ATP8A1: variants seen among roughly 807,000 people sequenced by gnomAD.
The protein encoded by ATP8A1 is phospholipid-transporting ATPase IA.
ATP8A1 carries 90 observed loss-of-function variants against 177.7 expected under a neutral mutation model. The observed-to-expected ratio is 0.51, with a 90% CI of 0.43 to 0.60. The LOEUF is 0.60. Among genes scored for constraint, ATP8A1 ranks in the 20% least tolerant of loss-of-function variants. The pLI is 0.00. For synonymous variants in ATP8A1, 493 were observed against 485.9 expected (o/e 1.01, Z -0.19); for missense variants, 1,072 against 1,392.8 (o/e 0.77, Z 3.67).
chr4:42,510,737 C>T (rs1290237095), intron 22 of ATP8A1, among the ~76,000 whole-genome samples: 1 of 151,978 alleles, frequency 6.6e-6, no homozygotes, highest in African/African-American at 2.4e-5. Flanking sequence ...TCAGAAAGTC[C>T]ACCAATATAA....
At chr4:42,439,524 T>G (rs954838583) in intron 33 of ATP8A1, among the ~76,000 whole-genome samples, 1 of 152,224 alleles carries the variant, frequency 6.6e-6, no homozygotes, top group Non-Finnish European at 1.5e-5. Flanking sequence ...TAACACTCAT[T>G]TATGGGGCAC....
intron 5 of ATP8A1, among the ~76,000 whole-genome samples, chr4:42,608,228 G>C (rs1033098157): frequency 1.3e-5 from 2 of 152,046 alleles, no homozygotes; most frequent in Non-Finnish European, 2.9e-5. Flanking sequence ...ACAGGTGCAG[G>C]TGCTGACTTA....
intron 20 of ATP8A1, among the ~76,000 whole-genome samples, chr4:42,532,125 C>T (rs1370435495): frequency 1.3e-5 from 2 of 151,876 alleles, no homozygotes. Flanking sequence ...CACACACAGA[C>T]ACAGACACAC....
chr4:42,520,019 G>T (rs1448104575), intron 22 of ATP8A1, among the ~76,000 whole-genome samples: 7 of 152,132 alleles, frequency 4.6e-5, no homozygotes, highest in Admixed American at 4.6e-4. Context: ...GCCATCTGCT[G>T]GGAAAACGTT....
chr4:42,428,508 C>A (rs1714888175), intron 33 of ATP8A1, among the ~76,000 whole-genome samples: 1 of 152,162 alleles, frequency 6.6e-6, no homozygotes, highest in Non-Finnish European at 1.5e-5. Context: ...CACATTTATC[C>A]ATCTCTGGCC....
At chr4:42,566,729 T>C (rs774327198) in intron 15 of ATP8A1, among the ~76,000 whole-genome samples, 1 of 152,256 alleles carries the variant, frequency 6.6e-6, no homozygotes, top group Non-Finnish European at 1.5e-5. Flanking sequence ...TAAAGTTACT[T>C]AGAGTCCATA....
intron 23 of ATP8A1, among the ~76,000 whole-genome samples, chr4:42,505,455 A>C (rs1219030194): frequency 6.6e-6 from 1 of 151,940 alleles, no homozygotes; most frequent in African/African-American, 2.4e-5. Context: ...CTGTTTTATC[A>C]TATTTGTGTT....
intron 15 of ATP8A1, among the ~76,000 whole-genome samples, chr4:42,567,002 A>G (rs1254006733): frequency 6.6e-6 from 1 of 152,226 alleles, no homozygotes; most frequent in East Asian, 1.9e-4. Context: ...TGATGATGCA[A>G]CTACTATTAT....
chr4:42,580,225 T>C (rs779644052), intron 10 of ATP8A1, among the ~76,000 whole-genome samples: 1 of 152,194 alleles, frequency 6.6e-6, no homozygotes, highest in Admixed American at 6.5e-5. Context: ...AGAACGAAAT[T>C]ACATTCCCTT....
intron 33 of ATP8A1, among the ~76,000 whole-genome samples, chr4:42,433,868 AC>A (rs992840746): frequency 6.6e-6 from 1 of 151,504 alleles, no homozygotes; most frequent in African/African-American, 2.4e-5. Flanking sequence ...AAAAAAAAAA[AC>A]GATTAAAAAA....
chr4:42,584,540 C>G (rs1376940808), intron 9 of ATP8A1, among the ~76,000 whole-genome samples: 2 of 152,096 alleles, frequency 1.3e-5, no homozygotes, highest in Non-Finnish European at 2.9e-5. Context: ...GTTTTGGTCC[C>G]CCTGCTTTGG....
At chr4:42,609,559 A>G (rs1255950594) in intron 5 of ATP8A1, among the ~76,000 whole-genome samples, 2 of 152,092 alleles carry the variant, frequency 1.3e-5, no homozygotes, top group African/African-American at 4.8e-5. Context: ...GAGCTCCACG[A>G]CTACTCTCTA....
intron 33 of ATP8A1, among the ~76,000 whole-genome samples, chr4:42,425,872 T>G (rs1233340809): frequency 1.3e-5 from 2 of 152,112 alleles, no homozygotes; most frequent in Admixed American, 1.3e-4. Flanking sequence ...CCAAATGGAA[T>G]TTGCCACGAA....
At chr4:42,573,653 G>A (rs1034746775) in intron 14 of ATP8A1, among the ~76,000 whole-genome samples, 1 of 152,164 alleles carries the variant, frequency 6.6e-6, no homozygotes, top group Admixed American at 6.5e-5. Context: ...GTAACGCAAA[G>A]AACAAGGATA....
intron 33 of ATP8A1, among the ~76,000 whole-genome samples, chr4:42,432,043 C>T (rs895420304): frequency 1.3e-5 from 2 of 152,170 alleles, no homozygotes; most frequent in Non-Finnish European, 2.9e-5. Context: ...GGTATCTCTT[C>T]GGAGAAGGTG....
At chr4:42,636,150 A>ACGCGCGCGTGCG (rs1175397000) in intron 1 of ATP8A1, among the ~76,000 whole-genome samples, 273 of 31,922 alleles carry the variant, frequency 8.6e-3, no homozygotes, top group Middle Eastern at 0.019. Context: ...ACACACACAC[A>ACGCGCGCGTGCG]CACACACGCA....
At chr4:42,551,131 C>T (rs534799039) in intron 18 of ATP8A1, 67 bp downstream of exon 18, 1 of 1,331,550 alleles carries the variant, frequency 7.5e-7, no homozygotes, top group African/African-American at 1.4e-5. Context: ...TTTGGTATTA[C>T]TTTATCTTTG....
intron 16 of ATP8A1, among the ~76,000 whole-genome samples, chr4:42,554,740 T>C (rs767445576): frequency 2.8e-4 from 43 of 152,184 alleles, no homozygotes; most frequent in Non-Finnish European, 4.9e-4. Flanking sequence ...TAATACTGAG[T>C]GTCAACTTGA....
Position 42,624,641 on chromosome 4 carries a change from G to A in ATP8A1, c.265-7C>T. The A allele has an allele frequency of 9.0e-7, 1 of 1,108,560 alleles. No individual in the cohort carries two copies. The highest frequency in any genetic ancestry group is 1.2e-6 in the Non-Finnish European group (1 of 850,038). 68.7% of individuals were successfully genotyped at this position (1,108,560 alleles called of 1,614,324 possible). A position where few individuals can be genotyped will look rare whatever the true frequency, so the allele number is the denominator to read the frequency against. ...GTGACACATCAGGTATTTGCTGTTT[G>A]GAAAAAAAAAAAAAAGAGAAATCCA... On this transcript the variant is annotated splice_region_variant and splice_polypyrimidine_tract_variant and intron_variant, in intron 3 of 36. Transcript: ENST00000381668.
Sources: gnomAD v4.1 joint callset for allele counts (sites outside exome capture counted in the v4.1 genomes callset) on GRCh38, gnomAD v4.1.1 for gene constraint, MANE v1.5 for transcripts, NCBI Gene and HGNC (gene_info 2026-07-23, HGNC 2026-07-21) for gene names.